The following PPARGC1A variants were observed in gnomAD, a reference collection of about 807,000 sequenced individuals.
PPARGC1A encodes peroxisome proliferator-activated receptor gamma coactivator 1-alpha.
Under a neutral mutation model 88.7 loss-of-function variants are expected in PPARGC1A, and 25 were observed. The ratio of observed to expected loss-of-function variants is 0.28; its 90% confidence interval spans 0.21 to 0.39. The LOEUF is 0.39. PPARGC1A is among the 10% of genes least tolerant of loss of function. PPARGC1A has a pLI of 1.00. For missense variants in PPARGC1A, 880 were observed against 968.7 expected (o/e 0.91, Z 1.22); for synonymous variants, 363 against 355.6 (o/e 1.02, Z -0.24).
chr4:23,815,943 G>A (rs1721908686), intron 7 of PPARGC1A, among the ~76,000 whole-genome samples: 1 of 152,116 alleles, frequency 6.6e-6, no homozygotes, highest in Admixed American at 6.6e-5. Context: ...CGAGAGCCAA[G>A]TAGGTCACAG....
chr4:23,997,647 G>A, the PPARGC1A span, among the ~76,000 whole-genome samples: 1 of 151,744 alleles, frequency 6.6e-6, no homozygotes, highest in Non-Finnish European at 1.5e-5. Flanking sequence ...TACTACAGGT[G>A]CACACCACCA....
At chr4:24,304,139 A>G in the PPARGC1A span, among the ~76,000 whole-genome samples, 22 of 152,296 alleles carry the variant, frequency 1.4e-4, 1 homozygote, top group African/African-American at 4.8e-4. Context: ...CTGAGAATAC[A>G]TTGTTCACTC....
At chr4:24,036,114 G>C in the PPARGC1A span, among the ~76,000 whole-genome samples, 1 of 152,056 alleles carries the variant, frequency 6.6e-6, no homozygotes, top group Non-Finnish European at 1.5e-5. Flanking sequence ...TGTGAAATAG[G>C]GATAGTAATA....
the PPARGC1A span, among the ~76,000 whole-genome samples, chr4:24,286,805 C>T: frequency 6.6e-6 from 1 of 152,086 alleles, no homozygotes; most frequent in Non-Finnish European, 1.5e-5. Context: ...GTGAGGAATT[C>T]GGGCTCAGGG....
At chr4:24,202,096 T>C in the PPARGC1A span, among the ~76,000 whole-genome samples, 44 of 152,090 alleles carry the variant, frequency 2.9e-4, no homozygotes, top group Non-Finnish European at 4.7e-4. Flanking sequence ...GTGACAGGGT[T>C]TCACCATGTT....
chr4:23,976,253 T>C, the PPARGC1A span, among the ~76,000 whole-genome samples: 5 of 152,160 alleles, frequency 3.3e-5, no homozygotes, highest in Admixed American at 6.5e-5. Context: ...CCTAGTGATT[T>C]TGCTAAAAAC....
chr4:24,351,090 G>A, the PPARGC1A span, among the ~76,000 whole-genome samples: 1,009 of 152,250 alleles, frequency 6.6e-3, 5 homozygotes, highest in Middle Eastern at 0.017. Flanking sequence ...AATTAGCTGG[G>A]AGCGGTGGCT....
chr4:24,091,009 G>A, the PPARGC1A span, among the ~76,000 whole-genome samples: 1,618 of 152,228 alleles, frequency 0.011, 26 homozygotes, highest in African/African-American at 0.037. Flanking sequence ...AGGAAGGCAC[G>A]CAAGCTGCAT....
the PPARGC1A span, among the ~76,000 whole-genome samples, chr4:24,361,429 C>T: frequency 4.6e-5 from 7 of 152,162 alleles, no homozygotes; most frequent in Non-Finnish European, 1.5e-5. Flanking sequence ...TCAAATGCAG[C>T]ATTAGCAAGA....
the PPARGC1A span, among the ~76,000 whole-genome samples, chr4:24,339,749 G>C: frequency 6.6e-6 from 1 of 152,068 alleles, no homozygotes; most frequent in Non-Finnish European, 1.5e-5. Context: ...ATTTTGCTTT[G>C]TTTTTTTCAG....
the PPARGC1A span, among the ~76,000 whole-genome samples, chr4:23,946,044 A>T: frequency 6.6e-6 from 1 of 152,174 alleles, no homozygotes; most frequent in South Asian, 2.1e-4. Context: ...CGCTGTCTCT[A>T]TATCATAATT....
the PPARGC1A span, among the ~76,000 whole-genome samples, chr4:24,082,535 A>C: frequency 5.3e-5 from 8 of 152,208 alleles, no homozygotes; most frequent in Non-Finnish European, 7.3e-5. Context: ...AATTAGATAG[A>C]AAATTGCGGC....
chr4:23,834,497 A>G (rs570280106), intron 2 of PPARGC1A, among the ~76,000 whole-genome samples: 4 of 152,126 alleles, frequency 2.6e-5, no homozygotes, highest in African/African-American at 7.2e-5. Context: ...TCAAAAAAAA[A>G]AAACAACCAA....
chr4:23,964,587 T>C, the PPARGC1A span, among the ~76,000 whole-genome samples: 18 of 152,274 alleles, frequency 1.2e-4, no homozygotes, highest in East Asian at 3.5e-3. Context: ...GGTATATGGA[T>C]CTGGGTCTCA....
chr4:23,909,053 T>C (rs778916935), upstream of PPARGC1A, among the ~76,000 whole-genome samples: 5 of 152,198 alleles, frequency 3.3e-5, no homozygotes, highest in Non-Finnish European at 7.3e-5. Context: ...ATGTGATTAG[T>C]ACAGTAGTTG....
chr4:23,906,607 C>CAAAAAAAAAAAAAAA (rs35171233), upstream of PPARGC1A, among the ~76,000 whole-genome samples: 1 of 63,728 alleles, frequency 1.6e-5, no homozygotes, highest in African/African-American at 4.3e-5. Flanking sequence ...CTCTGTCTCA[C>CAAAAAAAAAAAAAAA]AAAAAAAAAA....
chr4:24,187,706 A>G, the PPARGC1A span, among the ~76,000 whole-genome samples: 1 of 152,222 alleles, frequency 6.6e-6, no homozygotes, highest in African/African-American at 2.4e-5. Context: ...GTCTATTAAA[A>G]TATAGGCACT....
the PPARGC1A span, among the ~76,000 whole-genome samples, chr4:24,336,908 A>T: frequency 6.6e-6 from 1 of 152,158 alleles, no homozygotes. Flanking sequence ...TCTAAAAAAT[A>T]AAATTTAATT....
the PPARGC1A span, among the ~76,000 whole-genome samples, chr4:23,940,573 C>A: frequency 6.6e-6 from 1 of 152,192 alleles, no homozygotes; most frequent in Non-Finnish European, 1.5e-5. Context: ...TTTTTACTGA[C>A]TCACTAACTC....
Sources: gnomAD v4.1 joint callset for allele counts (sites outside exome capture counted in the v4.1 genomes callset) on GRCh38, gnomAD v4.1.1 for gene constraint, MANE v1.5 for transcripts, NCBI Gene and HGNC (gene_info 2026-07-23, HGNC 2026-07-21) for gene names.